The following ENTREP2 variants were observed in gnomAD, a reference collection of about 807,000 sequenced individuals.
ENTREP2 encodes protein ENTREP2.
the ENTREP2 span, among the ~76,000 whole-genome samples, chr15:29,512,659 T>C: frequency 1.3e-5 from 2 of 152,200 alleles, no homozygotes; most frequent in African/African-American, 2.4e-5. Flanking sequence ...AAGGTGGCCA[T>C]CTGCAAACCA....
At chr15:29,569,657 G>A in the ENTREP2 span, 2 of 152,006 alleles carry the variant, frequency 1.3e-5, no homozygotes, top group African/African-American at 4.8e-5. Flanking sequence ...GTTAATATAG[G>A]AAAAAAACCG....
the ENTREP2 span, among the ~76,000 whole-genome samples, chr15:29,252,101 C>T: frequency 2.6e-5 from 4 of 152,074 alleles, no homozygotes; most frequent in African/African-American, 4.8e-5. Context: ...AATAGCACTA[C>T]GTTGTGATCC....
chr15:29,250,946 C>T, the ENTREP2 span, among the ~76,000 whole-genome samples: 2 of 152,038 alleles, frequency 1.3e-5, no homozygotes, highest in African/African-American at 4.8e-5. Context: ...AAGATGAAGC[C>T]CCAACAATTC....
chr15:29,357,201 A>C, the ENTREP2 span, among the ~76,000 whole-genome samples: 1 of 152,226 alleles, frequency 6.6e-6, no homozygotes, highest in Non-Finnish European at 1.5e-5. Context: ...TAAAGGATTA[A>C]ATGTGAAAAG....
chr15:29,344,230 C>T, the ENTREP2 span, among the ~76,000 whole-genome samples: 4 of 152,334 alleles, frequency 2.6e-5, no homozygotes, highest in African/African-American at 7.2e-5. Flanking sequence ...CTCCCCAAAA[C>T]GCTTCACGCT....
At chr15:29,175,976 T>A in the ENTREP2 span, among the ~76,000 whole-genome samples, 2 of 152,176 alleles carry the variant, frequency 1.3e-5, no homozygotes, top group Non-Finnish European at 2.9e-5. Context: ...TTTACTCCCA[T>A]CAAGGTAAAG....
At chr15:29,611,483 C>T in the ENTREP2 span, among the ~76,000 whole-genome samples, 2 of 152,128 alleles carry the variant, frequency 1.3e-5, no homozygotes, top group East Asian at 1.9e-4. Context: ...ATAGAGTCCA[C>T]GCTCCTGGCC....
chr15:29,592,318 C>G, the ENTREP2 span, among the ~76,000 whole-genome samples: 1 of 152,130 alleles, frequency 6.6e-6, no homozygotes, highest in Non-Finnish European at 1.5e-5. Context: ...AGGGGCCTGT[C>G]TTTGTTTTGT....
chr15:29,367,715 C>A, the ENTREP2 span, among the ~76,000 whole-genome samples: 1 of 152,014 alleles, frequency 6.6e-6, no homozygotes, highest in African/African-American at 2.4e-5. Flanking sequence ...TCACACAGAC[C>A]CCCTTGTCAA....
the ENTREP2 span, among the ~76,000 whole-genome samples, chr15:29,602,600 C>T: frequency 5.9e-4 from 90 of 152,124 alleles, no homozygotes; most frequent in Admixed American, 2.6e-3. Context: ...TGCAGTGGCG[C>T]GATCTCAGCT....
the ENTREP2 span, among the ~76,000 whole-genome samples, chr15:29,488,480 T>C: frequency 6.6e-6 from 1 of 151,574 alleles, no homozygotes; most frequent in Non-Finnish European, 1.5e-5. Context: ...GAGGTGCGAG[T>C]GAAAGGAACA....
chr15:29,608,550 T>TTA, the ENTREP2 span, among the ~76,000 whole-genome samples: 16 of 76,740 alleles, frequency 2.1e-4, no homozygotes, highest in South Asian at 4.4e-4. Context: ...ATTATTATTA[T>TTA]TTATTTATTA....
chr15:29,614,554 C>T, the ENTREP2 span, among the ~76,000 whole-genome samples: 6 of 152,168 alleles, frequency 3.9e-5, no homozygotes, highest in East Asian at 1.9e-4. Context: ...AGATTTCTGC[C>T]GATCTGGGTA....
At chr15:29,444,206 G>GAAAGA in the ENTREP2 span, among the ~76,000 whole-genome samples, 57 of 144,652 alleles carry the variant, frequency 3.9e-4, 1 homozygote, top group African/African-American at 1.4e-3. Context: ...AAGAAAGAAA[G>GAAAGA]AAAGAAAGAA....
At chr15:29,473,565 T>C in the ENTREP2 span, among the ~76,000 whole-genome samples, 1 of 152,198 alleles carries the variant, frequency 6.6e-6, no homozygotes, top group Non-Finnish European at 1.5e-5. Flanking sequence ...AAAACATACC[T>C]GGGAGCGGAA....
At chr15:29,276,139 A>G in the ENTREP2 span, among the ~76,000 whole-genome samples, 2 of 152,346 alleles carry the variant, frequency 1.3e-5, no homozygotes, top group South Asian at 4.1e-4. Context: ...AAGCAGCAAC[A>G]GAGTTTTCCT....
the ENTREP2 span, among the ~76,000 whole-genome samples, chr15:29,530,320 AC>A: frequency 5.7e-4 from 87 of 152,176 alleles, 1 homozygote; most frequent in East Asian, 0.016. Flanking sequence ...GTAGTTCCTG[AC>A]CTATGGGGAA....
the ENTREP2 span, among the ~76,000 whole-genome samples, chr15:29,379,458 C>T: frequency 6.6e-5 from 10 of 152,290 alleles, no homozygotes; most frequent in Admixed American, 6.5e-4. Flanking sequence ...TGAACCCCTT[C>T]TCCTCTGCCT....
At chr15:29,385,904 G>A in the ENTREP2 span, among the ~76,000 whole-genome samples, 2 of 152,136 alleles carry the variant, frequency 1.3e-5, no homozygotes, top group African/African-American at 4.8e-5. Flanking sequence ...GATGTTGAAA[G>A]GAGGAGAAGG....
Sources: gnomAD v4.1 joint callset for allele counts (sites outside exome capture counted in the v4.1 genomes callset) on GRCh38, gnomAD v4.1.1 for gene constraint, MANE v1.5 for transcripts, NCBI Gene and HGNC (gene_info 2026-07-23, HGNC 2026-07-21) for gene names.